Variants in ARPP21 observed in about 807,000 individuals in gnomAD.
ARPP21 encodes cAMP regulated phosphoprotein 21, also known as cAMP-regulated phosphoprotein 21.
A neutral mutation model predicts 113.2 loss-of-function variants in ARPP21; 69 were observed. The ratio of observed to expected loss-of-function variants is 0.61; its 90% CI spans 0.50 to 0.74. The LOEUF is 0.74. Among genes scored for constraint, ARPP21 ranks in the 30% least tolerant of loss-of-function variants. The probability of loss-of-function intolerance (pLI) is 0.00; values close to 1 mark genes in which losing one functional copy is unlikely to be tolerated. For synonymous variants in ARPP21, 368 were observed against 375.5 expected (o/e 0.98, Z 0.23); for missense variants, 1,070 against 1,037.4 (o/e 1.03, Z -0.43).
chr3:35,645,032 A>G (rs1468190970), intron 1 of ARPP21, among the ~76,000 whole-genome samples: 1 of 151,904 alleles, frequency 6.6e-6, no homozygotes, highest in African/African-American at 2.4e-5. Context: ...TTAGTCCAAA[A>G]CTGTCTCATT....
intron 19 of ARPP21, among the ~76,000 whole-genome samples, chr3:35,764,956 T>C (rs776301366): frequency 1.8e-4 from 27 of 152,132 alleles, no homozygotes; most frequent in Non-Finnish European, 7.4e-5. Context: ...TAATGTTCTA[T>C]ATTCCATTGA....
At chr3:35,762,374 C>T (rs1444077274) in intron 19 of ARPP21, among the ~76,000 whole-genome samples, 1 of 151,906 alleles carries the variant, frequency 6.6e-6, no homozygotes, top group Non-Finnish European at 1.5e-5. Context: ...TGAGTTTTTG[C>T]TTATTTGCTT....
intron 1 of ARPP21, among the ~76,000 whole-genome samples, chr3:35,654,568 G>A (rs562230960): frequency 2.0e-5 from 3 of 152,120 alleles, no homozygotes; most frequent in Non-Finnish European, 2.9e-5. Flanking sequence ...AGCTTTCTTC[G>A]CAGATTGTTT....
In ARPP21 at chr3:35,715,312, T is replaced by TAACCTACC. The variant is rs1409973513; in HGVS notation, c.898-127_898-126insAACCTACC. 5 of 738,808 alleles carry TAACCTACC rather than the reference T, an allele frequency of 6.8e-6. No individual in the cohort carries two copies. In the Admixed American group the frequency reaches 1.2e-4, roughly 18 times the overall value. 45.8% of individuals were successfully genotyped at this position (738,808 alleles called of 1,614,324 possible). A position where few individuals can be genotyped will look rare whatever the true frequency, so the allele number is the denominator to read the frequency against. ...ACCTTTTTCCTTTTTTATTTCTATC[T>TAACCTACC]TTTGTACCTATTTTTCTTAATTCTT... On this transcript the variant is annotated intron_variant, in intron 11 of 20. Transcript: ENST00000684406.
intron 15 of ARPP21, among the ~76,000 whole-genome samples, chr3:35,733,274 T>A (rs988819260): frequency 6.6e-6 from 1 of 152,188 alleles, no homozygotes; most frequent in African/African-American, 2.4e-5. Flanking sequence ...TACATTATTA[T>A]TGAAATAATA....
At chr3:35,725,221 T>C (rs916854914) in intron 14 of ARPP21, among the ~76,000 whole-genome samples, 3 of 152,146 alleles carry the variant, frequency 2.0e-5, no homozygotes, top group African/African-American at 7.2e-5. Context: ...AATTGAGAGA[T>C]AGGGGCTCTA....
At chr3:35,689,947 T>C in intron 7 of ARPP21, 134 bp from the exon 8 acceptor site, 2 of 583,212 alleles carry the variant, frequency 3.4e-6, no homozygotes, top group Non-Finnish European at 6.1e-6. Context: ...GGTCAGCATA[T>C]TCCAAAGAAG....
In ARPP21 at chr3:35,729,478, T is replaced by C; in HGVS notation, c.1401T>C (p.Leu467=). The change falls in exon 15 of 21, where the codon CTT becomes CTC. Residue 467 remains leucine (L), a synonymous_variant. Coordinates refer to ENST00000684406, the MANE Select transcript of ARPP21 (RefSeq NM_001385562.1). ...CCAGCAGCACCAGCTACATCCTCCT[T>C]CCACTTGAAGCTGCAACAGGCATCC... The part of the protein sequence containing the change: ...VAPSSTSYIL[L]PLEAATGIPP... 6.2e-7 allele frequency: 1 copy of C among 1,614,216 alleles called. No homozygotes were observed. The highest frequency in any genetic ancestry group is 1.7e-5 in the Admixed American group (1 of 60,030).
intron 17 of ARPP21, 67 bp from the exon 18 acceptor site, chr3:35,739,250 C>T (rs2094526787): frequency 1.3e-6 from 2 of 1,561,194 alleles, no homozygotes; most frequent in Non-Finnish European, 1.7e-6. Context: ...CTGTGTCTGC[C>T]TCAGAGTGCC....
At chr3:35,668,694 T>C (rs2075577382) in intron 1 of ARPP21, among the ~76,000 whole-genome samples, 1 of 152,204 alleles carries the variant, frequency 6.6e-6, no homozygotes, top group Non-Finnish European at 1.5e-5. Flanking sequence ...ATGATACTAA[T>C]AATGCCTTGT....
At chr3:35,728,087 A>G (rs1200002155) in intron 14 of ARPP21, among the ~76,000 whole-genome samples, 1 of 151,272 alleles carries the variant, frequency 6.6e-6, no homozygotes, top group African/African-American at 2.4e-5. Context: ...TCTTAGCTAT[A>G]TTGATAAGAC....
chr3:35,715,506 T>C, intron 12 of ARPP21, 30 bp downstream of exon 12: 1 of 1,574,444 alleles, frequency 6.4e-7, no homozygotes, highest in East Asian at 2.2e-5. Context: ...TCCATGTCTT[T>C]AGAGGAACAA....
intron 1 of ARPP21, chr3:35,643,834 C>A (rs1277352609): frequency 6.6e-6 from 1 of 151,996 alleles, no homozygotes; most frequent in Non-Finnish European, 1.5e-5. Context: ...TAAGTACTGG[C>A]ATCATTCTAA....
At chr3:35,724,885 T>C (rs1013764928) in intron 14 of ARPP21, among the ~76,000 whole-genome samples, 1 of 152,184 alleles carries the variant, frequency 6.6e-6, no homozygotes, top group African/African-American at 2.4e-5. Context: ...ACTGACCCCC[T>C]GAATCTGGAA....
intron 19 of ARPP21, chr3:35,781,421 G>C (rs565146451): frequency 6.6e-6 from 1 of 152,280 alleles, no homozygotes; most frequent in East Asian, 1.9e-4. Flanking sequence ...CTTCAGGACA[G>C]GCATTTGTCC....
In ARPP21 at chr3:35,649,569, G is replaced by A. The variant is rs867893746; in HGVS notation, c.-213+9171G>A. ...TCTTTACTGGATGTGTGCCTTTGGA[G>A]AGATTAACCATGGTGAAGGACACCC... is the stretch of plus-strand genomic sequence containing the variant. On this transcript the variant is annotated intron_variant, in intron 1 of 20. Transcript: ENST00000684406. Among the ~76,000 whole-genome samples the A allele has an allele frequency of 2.6e-5, 4 of 152,282 alleles. No individual in the cohort carries two copies. The Middle Eastern group carries it at 0.01, about 388-fold the overall frequency.
chr3:35,737,439 T>C (rs2150702112), intron 16 of ARPP21, 77 bp downstream of exon 16: 1 of 968,748 alleles, frequency 1.0e-6, no homozygotes, highest in Non-Finnish European at 1.5e-6. Context: ...CAGCAGAGAA[T>C]CAGGGAGAAG....
chr3:35,691,571 A>G (rs1435904782), intron 9 of ARPP21, among the ~76,000 whole-genome samples: 1 of 151,598 alleles, frequency 6.6e-6, no homozygotes, highest in Non-Finnish European at 1.5e-5. Flanking sequence ...GTTTTAAGCT[A>G]GATGAAACAT....
At chr3:35,648,615 T>A (rs969079023) in intron 1 of ARPP21, among the ~76,000 whole-genome samples, 1 of 152,180 alleles carries the variant, frequency 6.6e-6, no homozygotes, top group Non-Finnish European at 1.5e-5. Flanking sequence ...TTACTTTTGC[T>A]GAAATGAGTC....
Sources: gnomAD v4.1 joint callset for allele counts (sites outside exome capture counted in the v4.1 genomes callset) on GRCh38, gnomAD v4.1.1 for gene constraint, MANE v1.5 for transcripts, NCBI Gene and HGNC (gene_info 2026-07-23, HGNC 2026-07-21) for gene names.